Variants in BAHD1 observed in about 807,000 individuals in gnomAD.
BAHD1 encodes bromo adjacent homology domain-containing 1 protein.
A neutral mutation model predicts 63.1 loss-of-function variants in BAHD1; 20 were observed. The ratio of observed to expected loss-of-function variants is 0.32; its 90% CI spans 0.22 to 0.46. BAHD1 has a LOEUF of 0.46. Ranked by LOEUF, BAHD1 falls within the 20% of genes least tolerant of loss-of-function variation. The pLI is 1.00. For missense variants in BAHD1, 939 were observed against 1,071.8 expected (o/e 0.88, Z 1.73); for synonymous variants, 408 against 426.8 (o/e 0.96, Z 0.54).
In BAHD1 at chr15:40,458,707, C is replaced by G; in HGVS notation, c.243C>G (p.Ala81=). The change falls in exon 2 of 7, where the codon GCC becomes GCG. Residue 81 remains alanine (A), a synonymous_variant. Coordinates refer to ENST00000416165, the MANE Select transcript of BAHD1 (RefSeq NM_014952.5). This position sits in a 1 kb window ranked among gnomAD's most constrained non-coding sequence, Gnocchi z 4.7. ...KVLLTRLENV[A]GPRSADEADE... The stretch of plus-strand genomic sequence containing the variant: ...TGCTGACTCGCCTGGAGAATGTGGC[C>G]GGTCCCCGGAGTGCAGATGAGGCTG... The G allele has an allele frequency of 6.2e-7, 1 of 1,613,764 alleles. No individual in the cohort carries two copies. Among genetic ancestry groups the G allele is most frequent in the South Asian group, 1.1e-5 (1 of 91,080 alleles).
rs1364208254 is a variant in BAHD1 at position 40,440,964 on chromosome 15, G to A, written c.-319G>A. On this transcript the variant is annotated 5_prime_UTR_variant, in exon 1 of 7. Coordinates refer to ENST00000416165, the MANE Select transcript of BAHD1 (RefSeq NM_014952.5). ...GCTCCGCTCTCGGGGAGTTTGTGGG[G>A]GAACCGCGAGCGGCGTAGCGGATCC... Among the ~76,000 whole-genome samples the A allele has an allele frequency of 6.6e-6, 1 of 151,698 alleles. No homozygotes were observed. The highest frequency in any genetic ancestry group is 2.4e-5 in the African/African-American group (1 of 41,410).
chr15:40,440,283 G>C (rs987318125), upstream of BAHD1, among the ~76,000 whole-genome samples: 3 of 152,150 alleles, frequency 2.0e-5, no homozygotes, highest in African/African-American at 7.2e-5. Context: ...TGCTGGAAAG[G>C]AAAGGAGACG....
At chr15:40,440,581 G>T (rs1278936327), upstream of BAHD1, among the ~76,000 whole-genome samples, 1 of 140,228 alleles carries the variant, frequency 7.1e-6, no homozygotes, top group Non-Finnish European at 1.6e-5. Context: ...TTCCGGGGGG[G>T]CTAGCAGCTG....
intron 5 of BAHD1, 85 bp from the exon 6 acceptor site, chr15:40,465,250 C>A: frequency 8.1e-7 from 1 of 1,231,932 alleles, no homozygotes; most frequent in Admixed American, 1.8e-5. Context: ...GTCAGCAGGC[C>A]CAGCAGAGGG....
At chr15:40,457,974 A>G (rs780099922) in intron 1 of BAHD1, among the ~76,000 whole-genome samples, 19 of 152,100 alleles carry the variant, frequency 1.2e-4, no homozygotes, top group South Asian at 2.1e-4. Context: ...GATCTCACCA[A>G]TGCACTCCAG....
chr15:40,448,157 G>A (rs149124471), intron 1 of BAHD1, among the ~76,000 whole-genome samples: 3,099 of 151,772 alleles, frequency 0.02, 102 homozygotes, highest in African/African-American at 0.072. Flanking sequence ...CAGGAGAATC[G>A]CTTGAACCTG....
At position 40,466,038 on chromosome 15, in the gene BAHD1, A is replaced by G. The variant is rs1894193759; in HGVS notation, c.2251A>G (p.Thr751Ala). 2 of 1,614,050 alleles carry G rather than the reference A, an allele frequency of 1.2e-6. No homozygotes were observed. Among genetic ancestry groups the G allele is most frequent in the Middle Eastern group, 1.7e-4 (1 of 6,058 alleles). Residue 751 changes from threonine to alanine, a missense_variant, in exon 7 of 7, where the codon ACA becomes GCA. Physicochemically the swap from Thr to Ala is moderately conservative, Grantham distance 58 (BLOSUM62 0). Transcript: ENST00000416165. ...AGACTATTCCACCCCACCCCACCGCACAGTGCCAGAGGACACGGACCCTGA... is the reference window on the plus strand; with the variant it reads ...AGACTATTCCACCCCACCCCACCGCGCAGTGCCAGAGGACACGGACCCTGA... The part of the protein sequence containing the change: ...SADYSTPPHR[T>A]VPEDTDPELV...
chr15:40,447,838 G>A (rs1431648821), intron 1 of BAHD1, among the ~76,000 whole-genome samples: 1 of 152,068 alleles, frequency 6.6e-6, no homozygotes, highest in African/African-American at 2.4e-5. Context: ...ATGGTTGGGG[G>A]TTACCTTTTT....
chr15:40,459,552 A>T lies in BAHD1; in HGVS notation c.1088A>T (p.Asp363Val). ...SPLPMPGNPA[D>V]YNGLCVGPEL... ...CTGCCGATGCCTGGCAACCCCGCCG[A>T]CTACAATGGCCTGTGTGTTGGGCCT... The change falls in exon 2 of 7, where the codon GAC becomes GTC. Residue 363 changes from aspartate (D) to valine (V), a missense_variant. By Grantham distance (152) the Asp-to-Val change is radical. This residue lies in a region of BAHD1 where 797 missense variants were observed against 813.3 expected (regional missense o/e 0.98). Coordinates refer to ENST00000416165, the MANE Select transcript of BAHD1 (RefSeq NM_014952.5). The T allele has an allele frequency of 6.2e-7, 1 of 1,614,128 alleles. No homozygotes were observed. The highest frequency in any genetic ancestry group is 1.1e-5 in the South Asian group (1 of 91,082).
Position 40,456,605 on chromosome 15 carries a change from C to G in BAHD1, c.-14-1846C>G, listed in dbSNP as rs556853702. 6.0e-4 allele frequency among the ~76,000 whole-genome samples: 91 copies of G among 152,354 alleles called. 1 individual carries two copies. The South Asian group carries it at 0.018, about 30-fold the overall frequency. The stretch of plus-strand genomic sequence containing the variant: ...CTTTCTCAATTAATGCAGCATATCT[C>G]TGGAGAGGAGGTGTCCAGTGACCCC... On this transcript the variant is annotated intron_variant, in intron 1 of 6. Transcript: ENST00000416165.
chr15:40,447,626 T>C (rs1350275846), intron 1 of BAHD1, among the ~76,000 whole-genome samples: 4 of 151,448 alleles, frequency 2.6e-5, no homozygotes, highest in Non-Finnish European at 5.9e-5. Flanking sequence ...ATAAAAATGA[T>C]TGAATAACTG....
chr15:40,447,301 T>C (rs1893566259), intron 1 of BAHD1, among the ~76,000 whole-genome samples: 1 of 152,134 alleles, frequency 6.6e-6, no homozygotes, highest in African/African-American at 2.4e-5. Context: ...GTGCCGTGGC[T>C]CACACCTTTA....
At position 40,459,011 on chromosome 15, in the gene BAHD1, C is replaced by T. The variant is rs1893939280; in HGVS notation, c.547C>T (p.Leu183=). The T allele has an allele frequency of 1.9e-6, 3 of 1,590,914 alleles. No individual in the cohort carries two copies. The South Asian group carries it at 3.4e-5, about 18-fold the overall frequency. The part of the protein sequence containing the change: ...LGDLGGGSRD[L]SPEPAPDEGP... The stretch of plus-strand genomic sequence containing the variant: ...GGACCTTGGAGGAGGAAGTCGGGAC[C>T]TGTCTCCAGAGCCAGCACCCGATGA... The change falls in exon 2 of 7, where the codon CTG becomes TTG. Residue 183 remains leucine (L), a synonymous_variant. Transcript: ENST00000416165.
chr15:40,465,053 A>G (rs1894161050), intron 5 of BAHD1: 2 of 476,336 alleles, frequency 4.2e-6, no homozygotes, highest in Admixed American at 3.6e-5. Context: ...GATGAAGAAC[A>G]TTTCCCCTCT....
chr15:40,456,741 C>G (rs1032829099), intron 1 of BAHD1, among the ~76,000 whole-genome samples: 4 of 152,226 alleles, frequency 2.6e-5, no homozygotes, highest in Non-Finnish European at 4.4e-5. Flanking sequence ...GGACTGCTCT[C>G]AGTTCCTCTG....
intron 1 of BAHD1, among the ~76,000 whole-genome samples, chr15:40,452,346 A>G (rs993553857): frequency 1.3e-5 from 2 of 152,218 alleles, no homozygotes; most frequent in African/African-American, 4.8e-5. Context: ...TCTGCTCTGC[A>G]TGGGTGCCTC....
intron 1 of BAHD1, chr15:40,443,350 C>G: frequency 1.0e-6 from 1 of 974,844 alleles, no homozygotes; most frequent in Non-Finnish European, 1.2e-6. Context: ...ACTCAGGAGG[C>G]TAAAGTTTGT....
At chr15:40,456,627 C>T (rs918357061) in intron 1 of BAHD1, among the ~76,000 whole-genome samples, 1 of 152,192 alleles carries the variant, frequency 6.6e-6, no homozygotes, top group Non-Finnish European at 1.5e-5. Context: ...TGTCCAGTGA[C>T]CCCACCCACT....
At chr15:40,461,791 A>C (rs982747496) in intron 2 of BAHD1, 121 bp from the exon 3 acceptor site, 11 of 1,302,458 alleles carry the variant, frequency 8.4e-6, no homozygotes. Flanking sequence ...CTCTGATCCC[A>C]TCGGCCACCT....
Sources: gnomAD v4.1 joint callset for allele counts (sites outside exome capture counted in the v4.1 genomes callset) on GRCh38, gnomAD v4.1.1 for gene constraint, gnomAD v4.1.1 regional missense constraint, Gnocchi (gnomAD v3.1) non-coding constraint, MANE v1.5 for transcripts, NCBI Gene and HGNC (gene_info 2026-07-23, HGNC 2026-07-21) for gene names.